DENND1B: variants seen among roughly 807,000 people sequenced by gnomAD.
The protein encoded by DENND1B is DENN domain-containing protein 1B.
A neutral mutation model predicts 90.1 loss-of-function variants in DENND1B; 59 were observed. The ratio of observed to expected loss-of-function variants is 0.65; its 90% CI spans 0.53 to 0.81. DENND1B has a LOEUF of 0.81. DENND1B is among the 40% of genes least tolerant of loss of function. DENND1B has a pLI of 0.00. For synonymous variants in DENND1B, 337 were observed against 324.6 expected, an observed-to-expected ratio of 1.04 and a Z score of -0.41; for missense variants, 862 against 912.6, an observed-to-expected ratio of 0.94 and a Z score of 0.71.
chr1:197,695,467 A>G (rs1658335412), intron 3 of DENND1B, among the ~76,000 whole-genome samples: 1 of 151,010 alleles, frequency 6.6e-6, no homozygotes, highest in South Asian at 2.1e-4. Flanking sequence ...TCTTACATTT[A>G]CCCATCATCT....
intron 10 of DENND1B, among the ~76,000 whole-genome samples, chr1:197,629,401 A>G (rs533023402): frequency 3.5e-4 from 54 of 152,148 alleles, no homozygotes; most frequent in Middle Eastern, 3.4e-3. Context: ...ACTGGAAATC[A>G]TGATTCTCAG....
intron 12 of DENND1B, among the ~76,000 whole-genome samples, chr1:197,611,346 C>G (rs1055026391): frequency 5.3e-5 from 8 of 150,708 alleles, no homozygotes; most frequent in Non-Finnish European, 1.5e-5. Context: ...CAAGATCTTT[C>G]ACTATAGGAA....
chr1:197,592,234 G>C (rs1458389323), intron 14 of DENND1B, among the ~76,000 whole-genome samples: 1 of 151,544 alleles, frequency 6.6e-6, no homozygotes, highest in Non-Finnish European at 1.5e-5. Flanking sequence ...CTCTTCACTA[G>C]CTAGAGAAAC....
chr1:197,714,838 C>T (rs1660484212), intron 3 of DENND1B, among the ~76,000 whole-genome samples, 193 bp downstream of exon 3: 1 of 152,058 alleles, frequency 6.6e-6, no homozygotes, highest in Admixed American at 6.6e-5. Context: ...CTTCATCACC[C>T]ATCTACTTGG....
chr1:197,677,419 G>A (rs567059524), intron 3 of DENND1B, among the ~76,000 whole-genome samples: 16 of 152,036 alleles, frequency 1.1e-4, no homozygotes, highest in African/African-American at 3.1e-4. Flanking sequence ...TTTTACTTAC[G>A]GTCCTTATCA....
intron 4 of DENND1B, among the ~76,000 whole-genome samples, chr1:197,672,859 C>T (rs1284893539): frequency 2.0e-5 from 3 of 151,926 alleles, no homozygotes; most frequent in African/African-American, 7.3e-5. Flanking sequence ...CAATATAAAA[C>T]GTTAGATTGA....
At chr1:197,663,888 A>T (rs1334896525) in intron 5 of DENND1B, among the ~76,000 whole-genome samples, 2 of 152,086 alleles carry the variant, frequency 1.3e-5, no homozygotes, top group Non-Finnish European at 2.9e-5. Flanking sequence ...CAAGAAAATG[A>T]TCCAGGGTAT....
At chr1:197,614,900 T>C (rs576481671) in intron 11 of DENND1B, among the ~76,000 whole-genome samples, 41 of 151,018 alleles carry the variant, frequency 2.7e-4, no homozygotes, top group Admixed American at 8.6e-4. Flanking sequence ...ACCTGCCATG[T>C]GTTTATGGAC....
intron 5 of DENND1B, among the ~76,000 whole-genome samples, chr1:197,670,697 T>C (rs915926844): frequency 6.6e-6 from 1 of 151,982 alleles, no homozygotes; most frequent in Admixed American, 6.6e-5. Context: ...GGCAAATCCA[T>C]CTCGGGCACA....
At chr1:197,722,844 A>G (rs370127104) in intron 2 of DENND1B, among the ~76,000 whole-genome samples, 39 of 152,290 alleles carry the variant, frequency 2.6e-4, no homozygotes, top group African/African-American at 8.9e-4. Flanking sequence ...CAATTTTGAA[A>G]ATATGTCCAT....
At chr1:197,587,896 G>C (rs984404707) in intron 14 of DENND1B, among the ~76,000 whole-genome samples, 4 of 152,062 alleles carry the variant, frequency 2.6e-5, no homozygotes, top group African/African-American at 7.3e-5. Context: ...ATGGGAGACA[G>C]TGACAGATCA....
intron 3 of DENND1B, among the ~76,000 whole-genome samples, chr1:197,702,726 G>A (rs1558421366): frequency 6.6e-6 from 1 of 152,080 alleles, no homozygotes; most frequent in Admixed American, 6.6e-5. Flanking sequence ...AGAGATATGG[G>A]CAGCTCTGGC....
intron 2 of DENND1B, chr1:197,736,115 C>T: frequency 1.5e-6 from 1 of 668,834 alleles, no homozygotes; most frequent in Non-Finnish European, 2.6e-6. Flanking sequence ...GCTAAACTGG[C>T]AGATTAGATT....
intron 15 of DENND1B, among the ~76,000 whole-genome samples, chr1:197,569,908 G>A (rs533559494): frequency 5.9e-5 from 9 of 152,114 alleles, no homozygotes; most frequent in African/African-American, 2.2e-4. Context: ...CTTGAAGATT[G>A]CTAGGAGAGT....
intron 10 of DENND1B, among the ~76,000 whole-genome samples, chr1:197,627,242 C>A (rs950572178): frequency 6.6e-6 from 1 of 152,046 alleles, no homozygotes; most frequent in Admixed American, 6.6e-5. Context: ...GAATTTTAGA[C>A]CAATATCCTT....
chr1:197,571,415 A>C (rs1439647724), intron 15 of DENND1B, among the ~76,000 whole-genome samples: 2 of 152,150 alleles, frequency 1.3e-5, no homozygotes, highest in Non-Finnish European at 2.9e-5. Context: ...AGAAAATGCC[A>C]AGTTCTTTCC....
chr1:197,648,005 A>G (rs762782383), intron 7 of DENND1B, among the ~76,000 whole-genome samples: 26 of 152,132 alleles, frequency 1.7e-4, no homozygotes, highest in Non-Finnish European at 3.5e-4. Flanking sequence ...ACTTGAAACT[A>G]TAAGACTATT....
At chr1:197,606,674 A>AG in intron 13 of DENND1B, 2 of 160,348 alleles carry the variant, frequency 1.2e-5, no homozygotes, top group Non-Finnish European at 2.7e-5. Context: ...GTGGCAGGGA[A>AG]GCAAAAGCCG....
At chr1:197,599,396 A>G (rs1386721634) in intron 13 of DENND1B, among the ~76,000 whole-genome samples, 1 of 151,896 alleles carries the variant, frequency 6.6e-6, no homozygotes. Flanking sequence ...ATCAGGGTAA[A>G]GAAGAGAAGA....
Sources: gnomAD v4.1 joint callset for allele counts (sites outside exome capture counted in the v4.1 genomes callset) on GRCh38, gnomAD v4.1.1 for gene constraint, MANE v1.5 for transcripts, NCBI Gene and HGNC (gene_info 2026-07-23, HGNC 2026-07-21) for gene names.